ASB3: variants seen among roughly 807,000 people sequenced by gnomAD.
ASB3 encodes the protein ankyrin repeat and SOCS box containing 3, also known as ankyrin repeat and SOCS box protein 3.
ASB3 carries 41 observed loss-of-function variants against 54.5 expected under a neutral mutation model. The observed-to-expected ratio is 0.75, with a 90% CI of 0.59 to 0.98. ASB3 has a LOEUF of 0.98. Among genes scored for constraint, ASB3 ranks in the 50% least tolerant of loss-of-function variants. ASB3 has a pLI of 0.00. For synonymous variants in ASB3, 266 were observed against 221.2 expected (o/e 1.20, Z -1.80); for missense variants, 733 against 620.0 (o/e 1.18, Z -1.94).
chr2:53,741,623 T>C (rs998823329), intron 3 of ASB3, among the ~76,000 whole-genome samples: 1 of 152,196 alleles, frequency 6.6e-6, no homozygotes, highest in Non-Finnish European at 1.5e-5. Context: ...GGAGATTTTA[T>C]CTAGGTCTAT....
At chr2:53,755,418 A>G (rs1200918202) in intron 2 of ASB3, among the ~76,000 whole-genome samples, 1 of 152,244 alleles carries the variant, frequency 6.6e-6, no homozygotes, top group African/African-American at 2.4e-5. Context: ...AAACTCTAAC[A>G]GGGAAAGTCA....
intron 8 of ASB3, chr2:53,694,380 A>G (rs1669076784): frequency 6.0e-6 from 1 of 166,104 alleles, no homozygotes; most frequent in Non-Finnish European, 1.3e-5. Context: ...CAGACATATA[A>G]TTTAATAATC....
intron 7 of ASB3, among the ~76,000 whole-genome samples, chr2:53,706,763 AG>A (rs1340052707): frequency 2.0e-5 from 3 of 152,130 alleles, no homozygotes; most frequent in African/African-American, 4.8e-5. Context: ...GTTTCTTAAT[AG>A]GAAGTCTTCC....
chr2:53,686,495 TG>T (rs1358139971), intron 9 of ASB3, among the ~76,000 whole-genome samples: 1 of 152,170 alleles, frequency 6.6e-6, no homozygotes, highest in Non-Finnish European at 1.5e-5. Context: ...CTTCTAATCT[TG>T]TTCAGTTCCC....
intron 2 of ASB3, among the ~76,000 whole-genome samples, chr2:53,760,008 G>C (rs1372175982): frequency 6.6e-6 from 1 of 152,140 alleles, no homozygotes; most frequent in Non-Finnish European, 1.5e-5. Context: ...CTCCAGATCT[G>C]TCACTATCTG....
intron 3 of ASB3, among the ~76,000 whole-genome samples, chr2:53,745,436 G>A (rs115515265): frequency 2.6e-3 from 393 of 152,308 alleles, no homozygotes; most frequent in Non-Finnish European, 4.8e-3. Flanking sequence ...AAGTTGAAGA[G>A]TTCCCTTTTA....
intron 1 of ASB3, among the ~76,000 whole-genome samples, chr2:53,768,792 A>G (rs1455447060): frequency 6.6e-6 from 1 of 152,250 alleles, no homozygotes; most frequent in Non-Finnish European, 1.5e-5. Flanking sequence ...TGTATAGAGA[A>G]TTAGCAGCAG....
chr2:53,709,907 G>T (rs187374452), intron 7 of ASB3, among the ~76,000 whole-genome samples: 1 of 152,150 alleles, frequency 6.6e-6, no homozygotes, highest in African/African-American at 2.4e-5. Flanking sequence ...TCCTCTGAGG[G>T]AATCAGCTAC....
intron 8 of ASB3, among the ~76,000 whole-genome samples, chr2:53,695,163 G>T (rs1297918898): frequency 6.6e-6 from 1 of 152,138 alleles, no homozygotes; most frequent in Non-Finnish European, 1.5e-5. Flanking sequence ...AAGGAAAGAA[G>T]ATAAACTGAA....
chr2:53,767,693 GAAATA>G, intron 1 of ASB3: 3 of 641,192 alleles, frequency 4.7e-6, no homozygotes, highest in Non-Finnish European at 8.0e-6. Context: ...CCTAATCAAG[GAAATA>G]AAATAAAGCT....
intron 5 of ASB3, among the ~76,000 whole-genome samples, chr2:53,723,379 T>C (rs959393071): frequency 1.1e-4 from 17 of 152,140 alleles, no homozygotes; most frequent in African/African-American, 3.9e-4. Context: ...TAGTGTTTGG[T>C]TACATGAGAA....
At chr2:53,681,143 C>T (rs929629377) in intron 9 of ASB3, among the ~76,000 whole-genome samples, 2 of 152,244 alleles carry the variant, frequency 1.3e-5, no homozygotes, top group African/African-American at 4.8e-5. Flanking sequence ...TAATGGACAC[C>T]AGTTGCTTCT....
chr2:53,781,972 C>G (rs1674674203), intron 1 of ASB3, among the ~76,000 whole-genome samples: 1 of 152,118 alleles, frequency 6.6e-6, no homozygotes, highest in Non-Finnish European at 1.5e-5. Flanking sequence ...TGCCATGGCT[C>G]ACATCTGTAA....
chr2:53,680,609 G>T (rs542101626), intron 9 of ASB3, among the ~76,000 whole-genome samples: 1 of 151,964 alleles, frequency 6.6e-6, no homozygotes, highest in Admixed American at 6.6e-5. Flanking sequence ...GCACATAGTA[G>T]GTGTATATAT....
At chr2:53,748,303 C>A (rs1326750951) in intron 3 of ASB3, 1 of 152,154 alleles carries the variant, frequency 6.6e-6, no homozygotes, top group Non-Finnish European at 1.5e-5. Context: ...TCCACGTAGA[C>A]GATTTCTTGA....
At chr2:53,772,040 A>G (rs138751271) in intron 1 of ASB3, 1 of 723,244 alleles carries the variant, frequency 1.4e-6, no homozygotes, top group Admixed American at 2.9e-5. Flanking sequence ...GACAATTTGA[A>G]CTACCCTAAA....
At chr2:53,720,156 C>T (rs1381823156) in intron 5 of ASB3, among the ~76,000 whole-genome samples, 1 of 148,660 alleles carries the variant, frequency 6.7e-6, no homozygotes, top group Non-Finnish European at 1.5e-5. Flanking sequence ...AAAAAAAAGG[C>T]AACCATTTGT....
At chr2:53,732,124 A>C (rs1464567297) in intron 3 of ASB3, among the ~76,000 whole-genome samples, 1 of 151,372 alleles carries the variant, frequency 6.6e-6, no homozygotes, top group African/African-American at 2.4e-5. Context: ...ATGTCTGGCT[A>C]ATTTTTGTAT....
At chr2:53,721,330 A>G (rs958359838) in intron 5 of ASB3, among the ~76,000 whole-genome samples, 2 of 149,464 alleles carry the variant, frequency 1.3e-5, no homozygotes, top group Non-Finnish European at 3.0e-5. Flanking sequence ...CAAGGCAGGC[A>G]GATTGCCTGA....
Sources: gnomAD v4.1 joint callset for allele counts (sites outside exome capture counted in the v4.1 genomes callset) on GRCh38, gnomAD v4.1.1 for gene constraint, MANE v1.5 for transcripts, NCBI Gene and HGNC (gene_info 2026-07-23, HGNC 2026-07-21) for gene names.